NCDN: variants seen among roughly 807,000 people sequenced by gnomAD.
NCDN encodes the protein norbin.
NCDN carries 9 observed loss-of-function variants against 60.7 expected under a neutral mutation model. The observed-to-expected ratio is 0.15, with a 90% CI of 0.09 to 0.26. NCDN has a LOEUF of 0.26. Among genes scored for constraint, NCDN ranks in the 10% least tolerant of loss-of-function variants. The pLI, the probability that NCDN is intolerant of heterozygous loss-of-function variation, is 1.00. For missense variants in NCDN, 578 were observed against 975.2 expected (o/e 0.59, Z 5.42); for synonymous variants, 409 against 442.5 (o/e 0.92, Z 0.95).
rs1648658243 is a variant in NCDN at position 35,560,469 on chromosome 1, G to A, written c.318G>A (p.Leu106=). The change falls in exon 3 of 7, where the codon TTG becomes TTA. Residue 106 remains leucine, a synonymous_variant. Coordinates refer to ENST00000373243, the MANE Select transcript of NCDN (RefSeq NM_014284.3). The surrounding 1 kb of genome is among the most constrained non-coding windows in gnomAD (Gnocchi z 7.6). ...DGCPDHVLRA[L]GVALLACFCS... ...GCCCTGACCATGTTCTGCGGGCTTT[G>A]GGTGTGGCCCTGCTGGCCTGCTTCT... is the stretch of plus-strand genomic sequence containing the variant. The A allele has an allele frequency of 1.9e-6, 3 of 1,613,870 alleles. No homozygotes were observed. The African/African-American group carries it at 4.0e-5, about 22-fold the overall frequency.
chr1:35,559,579 G>A (rs553686939), intron 2 of NCDN, among the ~76,000 whole-genome samples: 1 of 152,148 alleles, frequency 6.6e-6, no homozygotes. Context: ...GTTGTTCTGG[G>A]CCTGGAGAGA....
chr1:35,562,243 A>T lies in NCDN; in HGVS notation c.1144-149A>T. The T allele has an allele frequency of 8.5e-7, 1 of 1,172,282 alleles. No homozygotes were observed. Among genetic ancestry groups the T allele is most frequent in the Non-Finnish European group, 1.2e-6 (1 of 826,438 alleles). 72.6% of individuals were successfully genotyped at this position (1,172,282 alleles called of 1,614,324 possible). On this transcript the variant is annotated intron_variant, in intron 3 of 6. Transcript: ENST00000373243. The surrounding 1 kb of genome is among the most constrained non-coding windows in gnomAD (Gnocchi z 6.8). ...CTACCACATGCTAGGTGCTGGGTTCATGGGACAGAATAAAGGTTGGGGCCT... is the reference window on the plus strand; with the variant it reads ...CTACCACATGCTAGGTGCTGGGTTCTTGGGACAGAATAAAGGTTGGGGCCT...
rs774010404 is a variant in NCDN, at chr1:35,565,611, C to T, written c.2138C>T (p.Thr713Met). The T allele has an allele frequency of 6.4e-6, 10 of 1,555,538 alleles. No homozygotes were observed. The highest frequency in any genetic ancestry group is 2.4e-5 in the East Asian group (1 of 42,042). Residue 713 changes from threonine to methionine, a missense_variant, in exon 7 of 7, where the codon ACG becomes ATG. This residue lies in a region of NCDN where 191 missense variants were observed against 372.1 expected (regional missense o/e 0.51). Coordinates refer to ENST00000373243, the MANE Select transcript of NCDN (RefSeq NM_014284.3). The surrounding 1 kb of genome is among the most constrained non-coding windows in gnomAD (Gnocchi z 8.9). ...EAMRLQAGEE[T>M]ASHYRMAALE... is the part of the protein sequence containing the mutation. ...ATGAGGCTGCAGGCGGGCGAGGAGA[C>T]GGCCAGCCACTACCGCATGGCTGCC...
chr1:35,564,776 AGTAAGCAAAGCAGGGTCACTT>A (rs1156831360), intron 6 of NCDN, among the ~76,000 whole-genome samples: 1 of 152,200 alleles, frequency 6.6e-6, no homozygotes, highest in Non-Finnish European at 1.5e-5. Context: ...TTGAACAGCC[AGTAAGCAAAGCAGGGTCACTT>A]GCTTATGTTC....
In NCDN at chr1:35,558,838, C is replaced by A. The variant is rs1648543136; in HGVS notation, c.34-269C>A. Among the ~76,000 whole-genome samples, 1 of 152,138 alleles carries A rather than the reference C, an allele frequency of 6.6e-6. No homozygotes were observed. Among genetic ancestry groups the A allele is most frequent in the South Asian group, 2.1e-4 (1 of 4,836 alleles). ...CAGGAGACTGGTGAGGAGAGCTGTC[C>A]GGCTGAGCAGCAGCATGCATGGTCC... On this transcript the variant is annotated intron_variant, in intron 1 of 6. Coordinates refer to ENST00000373243, the MANE Select transcript of NCDN (RefSeq NM_014284.3). This position sits in a 1 kb window ranked among gnomAD's most constrained non-coding sequence, Gnocchi z 6.3.
chr1:35,558,321 C>A lies in NCDN; in HGVS notation c.33+98C>A. 6.3e-7 allele frequency: 1 copy of A among 1,579,996 alleles called. No homozygotes were observed. The highest frequency in any genetic ancestry group is 8.6e-7 in the Non-Finnish European group (1 of 1,159,920). On this transcript the variant is annotated intron_variant, in intron 1 of 6. Transcript: ENST00000373243. The surrounding 1 kb of genome is among the most constrained non-coding windows in gnomAD (Gnocchi z 6.3). ...TTTGGATTCTCCGTTGTCCTGGGAA[C>A]TATCCGGGACCCCCTCTTGCTTCTC... is the stretch of plus-strand genomic sequence containing the variant.
chr1:35,559,381 C>G, intron 2 of NCDN, 134 bp downstream of exon 2: 1 of 1,154,702 alleles, frequency 8.7e-7, no homozygotes, highest in Non-Finnish European at 1.2e-6. Context: ...GCCCAAGACC[C>G]CTACCTTTGT....
chr1:35,559,539 C>T (rs1211791985), intron 2 of NCDN, among the ~76,000 whole-genome samples: 1 of 152,060 alleles, frequency 6.6e-6, no homozygotes, highest in Admixed American at 6.5e-5. Context: ...CAGGTAGTAA[C>T]TAGTGCAGAG....
In NCDN at chr1:35,565,738, C is replaced by A; in HGVS notation, c.*75C>A. 2.1e-6 allele frequency: 3 copies of A among 1,404,798 alleles called. No individual in the cohort carries two copies. Among genetic ancestry groups the A allele is most frequent in the Non-Finnish European group, 2.8e-6 (3 of 1,058,280 alleles). The allele number at this position is 1,404,798 out of a possible 1,614,324, so 87.0% of individuals were successfully genotyped here. On this transcript the variant is annotated 3_prime_UTR_variant, in exon 7 of 7. Transcript: ENST00000373243. This position sits in a 1 kb window ranked among gnomAD's most constrained non-coding sequence, Gnocchi z 8.9. The stretch of plus-strand genomic sequence containing the variant: ...GAGGAGGCATCTTCCCTGAAGCCCC[C>A]AATCTGGCCCCCCCCTCCCCAGACT...
chr1:35,565,607 G>T lies in NCDN; in HGVS notation c.2134G>T (p.Glu712Ter). 1 of 1,556,898 alleles carries T rather than the reference G, an allele frequency of 6.4e-7. No homozygotes were observed. The highest frequency in any genetic ancestry group is 1.9e-5 in the Admixed American group (1 of 52,710). The change falls in exon 7 of 7, where the codon GAG (glutamate) becomes TAG (stop). Residue 712 changes from glutamate (E) to a stop codon, truncating the protein, a stop_gained. Transcript: ENST00000373243. LOFTEE classifies it high-confidence loss of function. This position sits in a 1 kb window ranked among gnomAD's most constrained non-coding sequence, Gnocchi z 8.9. Reference protein sequence around the residue: ...REAMRLQAGEETASHYRMAAL... With the variant: ...REAMRLQAGE ...GGCCATGAGGCTGCAGGCGGGCGAG[G>T]AGACGGCCAGCCACTACCGCATGGC...
rs1369997656 is a variant in NCDN at position 35,566,629 on chromosome 1, C to CCCCACA, written c.*967_*968insCCACAC. ...TACCTTTCTTATAAACCCAGGGGGA[C>CCCCACA]CACACACACACACACACACACACAC... On this transcript the variant is annotated 3_prime_UTR_variant, in exon 7 of 7. Transcript: ENST00000373243. This position sits in a 1 kb window ranked among gnomAD's most constrained non-coding sequence, Gnocchi z 5.3. 9 of 270,344 alleles carry CCCCACA rather than the reference C, an allele frequency of 3.3e-5. No individual in the cohort carries two copies. The highest frequency in any genetic ancestry group is 6.8e-5 in the Non-Finnish European group (9 of 132,196). 16.7% of individuals were successfully genotyped at this position (270,344 alleles called of 1,614,324 possible). A position where few individuals can be genotyped will look rare whatever the true frequency, so the allele number is the denominator to read the frequency against.
Position 35,558,179 on chromosome 1 carries a change from G to A in NCDN, c.-12G>A, listed in dbSNP as rs780270207. ...AGTGTGATCTCATCGCCGCCCTGTC[G>A]TGACTTCATCAATGTCGTGTTGTGA... is the stretch of plus-strand genomic sequence containing the variant. On this transcript the variant is annotated 5_prime_UTR_variant, in exon 1 of 7. The change creates a new upstream start codon in the 5' untranslated region. Coordinates refer to ENST00000373243, the MANE Select transcript of NCDN (RefSeq NM_014284.3). This position sits in a 1 kb window ranked among gnomAD's most constrained non-coding sequence, Gnocchi z 6.3. 6.2e-7 allele frequency: 1 copy of A among 1,613,858 alleles called. No individual in the cohort carries two copies. The highest frequency in any genetic ancestry group is 1.7e-5 in the Admixed American group (1 of 60,004).
rs1445152897 is a variant in NCDN at position 35,560,928 on chromosome 1, G to A, written c.777G>A (p.Arg259=). ...PPTTVPPECY[R]DLQAGLARIL... is the part of the protein sequence containing the mutation. ...CAACCGTGCCCCCTGAATGCTACCG[G>A]GATCTGCAGGCCGGGCTGGCACGCA... Residue 259 remains arginine, a synonymous_variant, in exon 3 of 7, where the codon CGG becomes CGA. Transcript: ENST00000373243. The surrounding 1 kb of genome is among the most constrained non-coding windows in gnomAD (Gnocchi z 7.6). 2 of 1,613,732 alleles carry A rather than the reference G, an allele frequency of 1.2e-6. No individual in the cohort carries two copies. Among genetic ancestry groups the A allele is most frequent in the South Asian group, 2.2e-5 (2 of 91,074 alleles).
Position 35,562,114 on chromosome 1 carries a change from C to T in NCDN, c.1144-278C>T, listed in dbSNP as rs540665626. Among the ~76,000 whole-genome samples the T allele has an allele frequency of 2.6e-5, 4 of 152,242 alleles. No homozygotes were observed. The highest frequency in any genetic ancestry group is 2.1e-4 in the South Asian group (1 of 4,820). ...AGTTAGGGAGATGTGACTGGAGCCT[C>T]AGCGAGTACGGGGGCATGTCACTCA... On this transcript the variant is annotated intron_variant, in intron 3 of 6. Coordinates refer to ENST00000373243, the MANE Select transcript of NCDN (RefSeq NM_014284.3). This position sits in a 1 kb window ranked among gnomAD's most constrained non-coding sequence, Gnocchi z 6.8.
rs1648689387 is a variant in NCDN, at chr1:35,561,100, G to C, written c.949G>C (p.Glu317Gln). 6.2e-7 allele frequency: 1 copy of C among 1,613,794 alleles called. No individual in the cohort carries two copies. Among genetic ancestry groups the C allele is most frequent in the Admixed American group, 1.7e-5 (1 of 59,990 alleles). The change falls in exon 3 of 7, where the codon GAA (glutamate) becomes CAA (glutamine). Residue 317 changes from glutamate to glutamine, a missense_variant. Around this residue, in one of 3 missense-constraint regions of NCDN, gnomAD observed 363 missense variants for 583.6 expected, o/e 0.62. Coordinates refer to ENST00000373243, the MANE Select transcript of NCDN (RefSeq NM_014284.3). The surrounding 1 kb of genome is among the most constrained non-coding windows in gnomAD (Gnocchi z 4.9). ...CCTGCTGGTGAATCTGGCGTGCGTGGAAGTGCGGCTGGCACTGGAGGAGAC... is the reference window on the plus strand; with the variant it reads ...CCTGCTGGTGAATCTGGCGTGCGTGCAAGTGCGGCTGGCACTGGAGGAGAC... ...LALLVNLACVEVRLALEETGT... is the reference protein window; with the variant it reads ...LALLVNLACVQVRLALEETGT...
rs774201737 is a variant in NCDN at position 35,563,254 on chromosome 1, A to C, written c.1438A>C (p.Ile480Leu). 1.9e-6 allele frequency: 3 copies of C among 1,613,868 alleles called. No individual in the cohort carries two copies. The change falls in exon 5 of 7, where the codon ATC (isoleucine) becomes CTC (leucine). Residue 480 changes from isoleucine (I) to leucine (L), a missense_variant. Around this residue, in one of 3 missense-constraint regions of NCDN, gnomAD observed 191 missense variants for 372.1 expected, o/e 0.51. Transcript: ENST00000373243. The surrounding 1 kb of genome is among the most constrained non-coding windows in gnomAD (Gnocchi z 6.6). ...GACCGTTGAAGATGGGCCCCGGGAG[A>C]TCCTGATCAAGGAAGGGGCCCCCTC... is the stretch of plus-strand genomic sequence containing the variant. The part of the protein sequence containing the change: ...HLTVEDGPRE[I>L]LIKEGAPSLL...
chr1:35,566,668 C>T lies in NCDN; in HGVS notation c.*1005C>T. The T allele has an allele frequency of 2.4e-6, 1 of 418,146 alleles. No homozygotes were observed. The highest frequency in any genetic ancestry group is 4.8e-6 in the Non-Finnish European group (1 of 207,614). The allele number at this position is 418,146 out of a possible 1,614,324, so 25.9% of individuals were successfully genotyped here. ...ACACACACACACACACACACACACA[C>T]ACACACACACACTCTTGATCCCTTG... On this transcript the variant is annotated 3_prime_UTR_variant, in exon 7 of 7. Transcript: ENST00000373243. This position sits in a 1 kb window ranked among gnomAD's most constrained non-coding sequence, Gnocchi z 5.3.
Position 35,558,251 on chromosome 1 carries a change from C to CT in NCDN, c.33+30dup, listed in dbSNP as rs751846230. 12 of 1,613,834 alleles carry CT rather than the reference C, an allele frequency of 7.4e-6. No individual in the cohort carries two copies. In the South Asian group the frequency reaches 8.8e-5, roughly 12 times the overall value. On this transcript the variant is annotated intron_variant, in intron 1 of 6. Transcript: ENST00000373243. The surrounding 1 kb of genome is among the most constrained non-coding windows in gnomAD (Gnocchi z 6.3). The stretch of plus-strand genomic sequence containing the variant: ...GGTGACCGCCAGGAACCCTCCTCCC[C>CT]TTCTCATCTCCCCATCTCAGCAGCC...
Position 35,565,207 on chromosome 1 carries a change from C to T in NCDN, c.1754-20C>T, listed in dbSNP as rs201932881. On this transcript the variant is annotated intron_variant, in intron 6 of 6. Coordinates refer to ENST00000373243, the MANE Select transcript of NCDN (RefSeq NM_014284.3). The surrounding 1 kb of genome is among the most constrained non-coding windows in gnomAD (Gnocchi z 8.9). ...GCTGGCCTGTCCGATTCATGCCCCA[C>T]TCCTTCCGTTACCTTGCAGCTCTTC... 40 of 1,583,528 alleles carry T rather than the reference C, an allele frequency of 2.5e-5. No individual in the cohort carries two copies. In the African/African-American group the frequency reaches 4.6e-4, roughly 18 times the overall value.
Sources: allele counts gnomAD v4.1 joint callset (sites outside exome capture counted in the v4.1 genomes callset), GRCh38; gene constraint gnomAD v4.1.1; regional missense constraint gnomAD v4.1.1; non-coding constraint Gnocchi (gnomAD v3.1); transcripts MANE v1.5; gene names NCBI Gene and HGNC (gene_info 2026-07-23, HGNC 2026-07-21).